The following RNF213 variants were observed in gnomAD, a reference collection of about 807,000 sequenced individuals.
RNF213 encodes E3 ubiquitin-protein ligase RNF213.
Under a neutral mutation model 514.4 loss-of-function variants are expected in RNF213, and 341 were observed. The ratio of observed to expected loss-of-function variants is 0.66; its 90% CI spans 0.61 to 0.73. The LOEUF (loss-of-function observed/expected upper bound fraction) is 0.73. RNF213 is among the 30% of genes least tolerant of loss of function. The probability of loss-of-function intolerance (pLI) is 0.00; values close to 1 mark genes in which losing one functional copy is unlikely to be tolerated. For synonymous variants in RNF213, 2,655 were observed against 2,658.2 expected (o/e 1.00, Z 0.04); for missense variants, 5,767 against 6,615.6 (o/e 0.87, Z 4.45).
Position 80,394,667 on chromosome 17 carries a change from A to G in RNF213, c.*1169A>G, listed in dbSNP as rs1210655571. 6.6e-6 allele frequency: 1 copy of G among 152,138 alleles called. No individual in the cohort carries two copies. Among genetic ancestry groups the G allele is most frequent in the Non-Finnish European group, 1.5e-5 (1 of 68,036 alleles). The allele number at this position is 152,138 out of a possible 1,614,324, so 9.4% of individuals were successfully genotyped here. On this transcript the variant is annotated 3_prime_UTR_variant, in exon 68 of 68. Coordinates refer to ENST00000582970, the MANE Select transcript of RNF213 (RefSeq NM_001256071.3). Reference sequence around the variant, plus strand: ...ACTTAACTTGAAATTGGGCCTAAGGAGTGAGAACTACAAAAATACAAAATG... The same window carrying G: ...ACTTAACTTGAAATTGGGCCTAAGGGGTGAGAACTACAAAAATACAAAATG...
Position 80,273,225 on chromosome 17 carries a change from T to C in RNF213, c.98-16T>C. ...TTCTCTCTGAGATCTGACCCTTCCT[T>C]CATCTGCCGTTACAGATTCTGAGAA... On this transcript the variant is annotated splice_polypyrimidine_tract_variant and intron_variant, in intron 2 of 67. Transcript: ENST00000582970. 2 of 1,613,276 alleles carry C rather than the reference T, an allele frequency of 1.2e-6. No homozygotes were observed. The highest frequency in any genetic ancestry group is 1.7e-6 in the Non-Finnish European group (2 of 1,179,798).
chr17:80,393,230 C>T, intron 67 of RNF213, 115 bp from the exon 68 acceptor site: 1 of 1,057,252 alleles, frequency 9.5e-7, no homozygotes, highest in Non-Finnish European at 1.4e-6. Flanking sequence ...ACCCACCCAC[C>T]TCAGCCTCCC....
rs368316429 is a variant in RNF213 at position 80,346,882 on chromosome 17, G to A, written c.8547G>A (p.Ala2849=). 8.7e-5 allele frequency: 140 copies of A among 1,613,876 alleles called. No homozygotes were observed. The highest frequency in any genetic ancestry group is 1.6e-4 in the African/African-American group (12 of 74,880). The change falls in exon 29 of 68, where the codon GCG becomes GCA. Residue 2849 remains alanine (A), a synonymous_variant. Transcript: ENST00000582970. The surrounding 1 kb of genome is among the most constrained non-coding windows in gnomAD (Gnocchi z 8.1). ...SVVVLDEVGL[A]EDSPKMPLKT... is the part of the protein sequence containing the mutation. ...TGGTGTTAGATGAGGTGGGGCTGGC[G>A]GAAGACTCACCCAAAATGCCCCTGA...
At chr17:80,270,255 C>T (rs1002254323) in intron 2 of RNF213, among the ~76,000 whole-genome samples, 1 of 152,248 alleles carries the variant, frequency 6.6e-6, no homozygotes, top group Non-Finnish European at 1.5e-5. Flanking sequence ...GACTCAGCAA[C>T]AGGCCTATCC....
Position 80,288,853 on chromosome 17 carries a change from G to A in RNF213, c.933+98G>A, listed in dbSNP as rs2044573404. On this transcript the variant is annotated intron_variant, in intron 5 of 67. Transcript: ENST00000582970. This position sits in a 1 kb window ranked among gnomAD's most constrained non-coding sequence, Gnocchi z 4.9. Reference sequence around the variant, plus strand: ...ATTCAGCAAATATTTAAGTGCTGGGGATATAGCCATGATTCAGACAAAGCT... The same window carrying A: ...ATTCAGCAAATATTTAAGTGCTGGGAATATAGCCATGATTCAGACAAAGCT... The A allele has an allele frequency of 6.3e-7, 1 of 1,589,018 alleles. No individual in the cohort carries two copies.
intron 42 of RNF213, among the ~76,000 whole-genome samples, chr17:80,366,073 C>T (rs2079258183): frequency 6.6e-6 from 1 of 152,226 alleles, no homozygotes; most frequent in East Asian, 1.9e-4. Flanking sequence ...TGACTTGTAC[C>T]CCTACCCAGC....
intron 67 of RNF213, among the ~76,000 whole-genome samples, chr17:80,392,669 A>C (rs2080524757): frequency 1.3e-5 from 2 of 151,690 alleles, no homozygotes; most frequent in East Asian, 3.9e-4. Flanking sequence ...GGCTCACTGC[A>C]AGCTCCACCT....
intron 10 of RNF213, among the ~76,000 whole-genome samples, chr17:80,297,626 A>C (rs2045006252): frequency 6.6e-6 from 1 of 151,150 alleles, no homozygotes; most frequent in African/African-American, 2.4e-5. Context: ...TCTCTACAAA[A>C]AATACAAAAA....
chr17:80,272,545 T>G (rs1412793358), intron 2 of RNF213, among the ~76,000 whole-genome samples: 1 of 152,154 alleles, frequency 6.6e-6, no homozygotes, highest in Non-Finnish European at 1.5e-5. Flanking sequence ...AGTAAACCCA[T>G]GACCGCAAAC....
chr17:80,363,472 C>T (rs1254255792), intron 40 of RNF213, 137 bp from the exon 41 acceptor site: 17 of 1,214,598 alleles, frequency 1.4e-5, no homozygotes, highest in South Asian at 2.5e-5. Flanking sequence ...ATCTCGCTGA[C>T]GCTTCTCACA....
intron 2 of RNF213, among the ~76,000 whole-genome samples, chr17:80,265,040 G>GT (rs112658451): frequency 1.5e-5 from 2 of 133,742 alleles, no homozygotes; most frequent in South Asian, 2.4e-4. Context: ...TTCCATGTTT[G>GT]TTTGTTTTTT....
In RNF213 at chr17:80,313,170, A is replaced by G; in HGVS notation, c.2811+3A>G. 1 of 1,614,040 alleles carries G rather than the reference A, an allele frequency of 6.2e-7. No homozygotes were observed. The highest frequency in any genetic ancestry group is 8.5e-7 in the Non-Finnish European group (1 of 1,180,032). On this transcript the variant is annotated splice_donor_region_variant and intron_variant, in intron 15 of 67. Coordinates refer to ENST00000582970, the MANE Select transcript of RNF213 (RefSeq NM_001256071.3). The stretch of plus-strand genomic sequence containing the variant: ...TCACATACGTCAAGGAAATTGAGGT[A>G]GGCATTTGGCCGAAGGCTTCTGGGT...
chr17:80,325,156 C>T lies in RNF213; in HGVS notation c.3151C>T (p.Leu1051=), dbSNP rs1428858610. 6 of 1,536,612 alleles carry T rather than the reference C, an allele frequency of 3.9e-6. No homozygotes were observed. The highest frequency in any genetic ancestry group is 2.6e-6 in the Non-Finnish European group (3 of 1,146,522). The change falls in exon 18 of 68, where the codon CTG becomes TTG. Residue 1051 remains leucine (L), a synonymous_variant. Transcript: ENST00000582970. The part of the protein sequence containing the change: ...ADNFDDILKH[L]LTLADVKHVF... ...CAACTTCGATGACATTTTAAAGCAT[C>T]TGCTCACGTTGGCAGATGTCAAGCA...
At position 80,346,815 on chromosome 17, in the gene RNF213, G is replaced by A. The variant is rs2078328324; in HGVS notation, c.8480G>A (p.Arg2827His). ...GIISTFRQCA[R>H]FQQGKDLQQY... is the part of the protein sequence containing the mutation. The stretch of plus-strand genomic sequence containing the variant: ...ATCAGCACCTTCCGGCAGTGCGCCC[G>A]CTTTCAGCAGGGGAAGGACCTGCAG... The change falls in exon 29 of 68, where the codon CGC becomes CAC. Residue 2827 changes from arginine to histidine, a missense_variant. Transcript: ENST00000582970. The surrounding 1 kb of genome is among the most constrained non-coding windows in gnomAD (Gnocchi z 8.1). The A allele has an allele frequency of 2.5e-6, 4 of 1,613,920 alleles. No homozygotes were observed. The highest frequency in any genetic ancestry group is 3.4e-6 in the Non-Finnish European group (4 of 1,180,020).
At chr17:80,279,969 G>A (rs1221781528) in intron 3 of RNF213, among the ~76,000 whole-genome samples, 2 of 152,172 alleles carry the variant, frequency 1.3e-5, no homozygotes, top group African/African-American at 2.4e-5. Context: ...TCCCCGCACC[G>A]CGCTCCCCCC....
chr17:80,390,275 A>C (rs2080412167), intron 67 of RNF213, 79 bp downstream of exon 67: 1 of 1,471,660 alleles, frequency 6.8e-7, no homozygotes. Flanking sequence ...AGACACAAAA[A>C]TAGTTCTTTT....
rs557060326 is a variant in RNF213, at chr17:80,354,386, G to A, written c.10727-55G>A. The A allele has an allele frequency of 2.9e-4, 466 of 1,613,282 alleles. 2 individuals carry two copies. The highest frequency in any genetic ancestry group is 1.5e-3 in the Middle Eastern group (9 of 6,030). ...GGGGGAGGTGGGACAGAAGCACTCC[G>A]GAGCCAACAGCTCAGCCACGGCCAT... On this transcript the variant is annotated intron_variant, in intron 35 of 67. Coordinates refer to ENST00000582970, the MANE Select transcript of RNF213 (RefSeq NM_001256071.3).
intron 39 of RNF213, among the ~76,000 whole-genome samples, chr17:80,362,250 A>G (rs2079083908): frequency 6.6e-6 from 1 of 152,276 alleles, no homozygotes; most frequent in South Asian, 2.1e-4. Flanking sequence ...ATAGAAAGTC[A>G]TACTTTTGAC....
chr17:80,366,191 G>A (rs937373006), intron 42 of RNF213, among the ~76,000 whole-genome samples: 6 of 152,160 alleles, frequency 3.9e-5, no homozygotes, highest in African/African-American at 1.4e-4. Flanking sequence ...AGTTGTCGAC[G>A]GAACTGCTGC....
Sources: allele counts gnomAD v4.1 joint callset (sites outside exome capture counted in the v4.1 genomes callset), GRCh38; gene constraint gnomAD v4.1.1; non-coding constraint Gnocchi (gnomAD v3.1); transcripts MANE v1.5; gene names NCBI Gene and HGNC (gene_info 2026-07-23, HGNC 2026-07-21).